Variants in NAALADL2 observed in about 807,000 individuals in gnomAD.
NAALADL2 encodes N-acetylated alpha-linked acidic dipeptidase like 2.
NAALADL2 carries 76 observed loss-of-function variants against 87.2 expected under a neutral mutation model. That is an observed-to-expected ratio of 0.87 (90% CI 0.72 to 1.05). The LOEUF is 1.05. NAALADL2 is among the 50% of genes least tolerant of loss of function. NAALADL2 has a pLI of 0.00. For missense variants in NAALADL2, 1,089 were observed against 945.8 expected, an observed-to-expected ratio of 1.15 and a Z score of -1.99; for synonymous variants, 354 against 331.0, an observed-to-expected ratio of 1.07 and a Z score of -0.75.
At chr3:175,306,074 A>G (rs1757683104) in intron 4 of NAALADL2, among the ~76,000 whole-genome samples, 1 of 152,018 alleles carries the variant, frequency 6.6e-6, no homozygotes, top group Non-Finnish European at 1.5e-5. Context: ...TTTTAGTGTA[A>G]AAATGTATAT....
intron 1 of NAALADL2, among the ~76,000 whole-genome samples, chr3:174,461,771 T>C (rs1422757297): frequency 1.3e-5 from 2 of 152,100 alleles, no homozygotes; most frequent in African/African-American, 2.4e-5. Flanking sequence ...ATAGTGCCCT[T>C]ATATACTTTA....
At chr3:175,389,412 T>G (rs1426745401) in intron 5 of NAALADL2, among the ~76,000 whole-genome samples, 1 of 152,220 alleles carries the variant, frequency 6.6e-6, no homozygotes, top group East Asian at 1.9e-4. Context: ...TCTGGCTTTA[T>G]AAGTTAAGTG....
At chr3:175,482,100 GA>G (rs1726566487) in intron 9 of NAALADL2, among the ~76,000 whole-genome samples, 1 of 151,872 alleles carries the variant, frequency 6.6e-6, no homozygotes, top group African/African-American at 2.4e-5. Context: ...TTTTCAATAA[GA>G]AAAAAATTGG....
At chr3:175,510,522 G>A (rs1007358499) in intron 9 of NAALADL2, among the ~76,000 whole-genome samples, 13 of 152,126 alleles carry the variant, frequency 8.5e-5, no homozygotes, top group Admixed American at 6.6e-4. Flanking sequence ...TGCTGGTTCA[G>A]TTGTACCAAC....
chr3:175,115,577 A>C (rs886246567), intron 2 of NAALADL2, among the ~76,000 whole-genome samples: 5 of 151,698 alleles, frequency 3.3e-5, no homozygotes, highest in Non-Finnish European at 4.4e-5. Flanking sequence ...TTAAGCAGCA[A>C]ATGTAAATTT....
intron 11 of NAALADL2, among the ~76,000 whole-genome samples, chr3:175,722,961 T>C (rs983991735): frequency 5.3e-5 from 8 of 152,268 alleles, no homozygotes; most frequent in Admixed American, 5.2e-4. Flanking sequence ...CCTGAGGATC[T>C]AAACGTACAA....
intron 1 of NAALADL2, among the ~76,000 whole-genome samples, chr3:175,088,748 G>A (rs994294811): frequency 1.2e-4 from 18 of 152,160 alleles, no homozygotes; most frequent in Non-Finnish European, 2.6e-4. Context: ...ATTCACCCTG[G>A]CTGAAAAGAT....
At chr3:174,844,455 G>A (rs1724364796) in intron 3 of NAALADL2, among the ~76,000 whole-genome samples, 1 of 151,978 alleles carries the variant, frequency 6.6e-6, no homozygotes, top group Non-Finnish European at 1.5e-5. Flanking sequence ...TTCTTTTTCT[G>A]TTTAGCATTG....
intron 1 of NAALADL2, among the ~76,000 whole-genome samples, chr3:175,042,574 C>T (rs945754025): frequency 6.6e-6 from 1 of 152,122 alleles, no homozygotes. Context: ...GGTTCCCTTT[C>T]CTCCACATCC....
At chr3:174,993,571 C>T (rs115720845) in intron 1 of NAALADL2, among the ~76,000 whole-genome samples, 1,784 of 152,118 alleles carry the variant, frequency 0.012, 39 homozygotes, top group African/African-American at 0.041. Flanking sequence ...TTCTTAGGGG[C>T]GGTGGCTCAA....
intron 1 of NAALADL2, among the ~76,000 whole-genome samples, chr3:174,973,203 A>G (rs1482313824): frequency 6.6e-6 from 1 of 152,166 alleles, no homozygotes; most frequent in Non-Finnish European, 1.5e-5. Context: ...ACGTTTTTAA[A>G]GAAGTAATTA....
chr3:175,729,409 A>G (rs1743370758), intron 11 of NAALADL2, among the ~76,000 whole-genome samples: 1 of 152,282 alleles, frequency 6.6e-6, no homozygotes, highest in Admixed American at 6.5e-5. Flanking sequence ...TCTATATTTG[A>G]GTCCTTGTGG....
chr3:174,991,932 A>G (rs1260647510), intron 1 of NAALADL2, among the ~76,000 whole-genome samples: 3 of 152,048 alleles, frequency 2.0e-5, no homozygotes, highest in Non-Finnish European at 4.4e-5. Context: ...GGAGATGTGG[A>G]TCAGTCAAAA....
At chr3:175,177,494 T>C (rs951806684) in intron 2 of NAALADL2, among the ~76,000 whole-genome samples, 1 of 152,042 alleles carries the variant, frequency 6.6e-6, no homozygotes, top group African/African-American at 2.4e-5. Context: ...TATAAAATTA[T>C]TGGAATGAAT....
At chr3:175,493,843 C>T (rs1182051190) in intron 9 of NAALADL2, among the ~76,000 whole-genome samples, 1 of 152,134 alleles carries the variant, frequency 6.6e-6, no homozygotes, top group African/African-American at 2.4e-5. Context: ...TAGACATACA[C>T]ATACACACAG....
rs1335396485 is a variant in NAALADL2, at chr3:175,086,423, AAAG to A, written c.44-10364_44-10362del. Among the ~76,000 whole-genome samples the A allele has an allele frequency of 7.2e-5, 11 of 152,248 alleles. No homozygotes were observed. The East Asian group carries it at 1.5e-3, about 21-fold the overall frequency. On this transcript the variant is annotated intron_variant, in intron 1 of 13. Transcript: ENST00000454872. ...GAGGGAGCATTACAGAAACAAAAAA[AAAG>A]AAACGGGAAAAGAAGCTAAAATTCA...
chr3:175,505,234 A>G (rs1450753846), intron 9 of NAALADL2, among the ~76,000 whole-genome samples: 1 of 150,776 alleles, frequency 6.6e-6, no homozygotes, highest in Non-Finnish European at 1.5e-5. Flanking sequence ...CACTGCATCC[A>G]GGCTGGGTGG....
intron 3 of NAALADL2, among the ~76,000 whole-genome samples, chr3:174,837,178 A>G (rs1560273818): frequency 6.6e-6 from 1 of 152,182 alleles, no homozygotes; most frequent in Non-Finnish European, 1.5e-5. Context: ...GAAACAAAAA[A>G]AATACAAAAG....
chr3:174,752,477 T>G (rs552298762), intron 3 of NAALADL2, among the ~76,000 whole-genome samples: 1 of 152,182 alleles, frequency 6.6e-6, no homozygotes, highest in East Asian at 1.9e-4. Flanking sequence ...GTATATTGTT[T>G]AGCAAAATAA....
Sources: allele counts gnomAD v4.1 joint callset (sites outside exome capture counted in the v4.1 genomes callset), GRCh38; gene constraint gnomAD v4.1.1; transcripts MANE v1.5; gene names NCBI Gene and HGNC (gene_info 2026-07-23, HGNC 2026-07-21).